Variants in RAD21L1 observed in about 807,000 individuals in gnomAD.
RAD21L1 encodes the protein RAD21 cohesin complex component like 1.
In RAD21L1, 47 loss-of-function variants were observed where a neutral mutation model predicts 69.0. The ratio of observed to expected loss-of-function variants is 0.68; its 90% CI spans 0.54 to 0.87. The LOEUF is 0.87. Ranked by LOEUF, RAD21L1 falls within the 40% of genes least tolerant of loss-of-function variation. The pLI, the probability that RAD21L1 is intolerant of heterozygous loss-of-function variation, is 0.00. For missense variants in RAD21L1, 583 were observed against 647.6 expected (o/e 0.90, Z 1.08); for synonymous variants, 177 against 205.8 (o/e 0.86, Z 1.20).
intron 3 of RAD21L1, 98 bp from the exon 4 acceptor site, chr20:1,231,428 A>G (rs2087388715): frequency 1.5e-6 from 1 of 683,742 alleles, no homozygotes; most frequent in African/African-American, 1.8e-5. Context: ...ACTAGTTAGA[A>G]TAAGCAGTAG....
intron 8 of RAD21L1, among the ~76,000 whole-genome samples, chr20:1,241,223 A>G (rs1377967485): frequency 6.6e-6 from 1 of 152,232 alleles, no homozygotes; most frequent in African/African-American, 2.4e-5. Flanking sequence ...TTTTACTTTT[A>G]AGAAGCTTAG....
intron 2 of RAD21L1, 89 bp from the exon 3 acceptor site, chr20:1,229,791 A>G (rs570284468): frequency 3.0e-6 from 3 of 1,006,324 alleles, no homozygotes; most frequent in Non-Finnish European, 4.2e-6. Flanking sequence ...TTTTTAAGAG[A>G]ACCAATTCTT....
chr20:1,226,670 C>T (rs2087269026), intron 1 of RAD21L1, among the ~76,000 whole-genome samples: 1 of 152,166 alleles, frequency 6.6e-6, no homozygotes, highest in African/African-American at 2.4e-5. Flanking sequence ...CCGGTTTCCA[C>T]GGAGTGGCCC....
chr20:1,244,563 G>T (rs2087682949), intron 11 of RAD21L1, among the ~76,000 whole-genome samples: 1 of 151,970 alleles, frequency 6.6e-6, no homozygotes. Flanking sequence ...GTATCTCTAA[G>T]AATAATATAT....
At chr20:1,239,948 T>G (rs1488537495) in intron 7 of RAD21L1, among the ~76,000 whole-genome samples, 1 of 152,238 alleles carries the variant, frequency 6.6e-6, no homozygotes, top group Non-Finnish European at 1.5e-5. Flanking sequence ...TTATGGTTTT[T>G]TATGGATCAA....
In RAD21L1 at chr20:1,238,159, A is replaced by G. The variant is rs2087537955; in HGVS notation, c.591A>G (p.Leu197=). 1 of 1,540,290 alleles carries G rather than the reference A, an allele frequency of 6.5e-7. No individual in the cohort carries two copies. Among genetic ancestry groups the G allele is most frequent in the Admixed American group, 2.0e-5 (1 of 50,928 alleles). The change falls in exon 6 of 14, where the codon CTA becomes CTG. Residue 197 remains leucine (L), a synonymous_variant. Transcript: ENST00000683101. The part of the protein sequence containing the change: ...SSGSLTGERS[L]FYDSGDGFGD... The stretch of plus-strand genomic sequence containing the variant: ...GAAGCCTCACTGGAGAACGATCTCT[A>G]TTCTATGACAGTGGAGATGGGTTTG...
rs745481975 is a variant in RAD21L1 at position 1,238,171 on chromosome 20, T to C, written c.603T>C (p.Ser201=). ...GAGAACGATCTCTATTCTATGACAG[T>C]GGAGATGGGTTTGGAGATGAAGGAG... The part of the protein sequence containing the change: ...LTGERSLFYD[S]GDGFGDEGAA... The change falls in exon 6 of 14, where the codon AGT becomes AGC. Residue 201 remains serine (S), a synonymous_variant. Coordinates refer to ENST00000683101, the MANE Select transcript of RAD21L1 (RefSeq NM_001384355.1). 5.5e-5 allele frequency: 85 copies of C among 1,533,436 alleles called. No individual in the cohort carries two copies. The Middle Eastern group carries it at 1.5e-3, about 27-fold the overall frequency. 95.0% of individuals were successfully genotyped at this position (1,533,436 alleles called of 1,614,324 possible). A position where few individuals can be genotyped will look rare whatever the true frequency, so the allele number is the denominator to read the frequency against.
At chr20:1,252,223 G>A (rs891015016) in intron 13 of RAD21L1, among the ~76,000 whole-genome samples, 5 of 152,156 alleles carry the variant, frequency 3.3e-5, no homozygotes, top group African/African-American at 1.2e-4. Flanking sequence ...TTACTCAAAT[G>A]TCTTGTAGAT....
At chr20:1,243,465 T>C (rs1184871153) in intron 10 of RAD21L1, among the ~76,000 whole-genome samples, 1 of 152,160 alleles carries the variant, frequency 6.6e-6, no homozygotes, top group Non-Finnish European at 1.5e-5. Context: ...TCTACCTCCT[T>C]CACTCCCAAA....
intron 8 of RAD21L1, among the ~76,000 whole-genome samples, chr20:1,240,877 CT>C (rs1336129602): frequency 6.6e-6 from 1 of 152,228 alleles, no homozygotes; most frequent in Non-Finnish European, 1.5e-5. Context: ...AGCTGCTAGT[CT>C]GGGCCTGCTG....
At chr20:1,235,717 A>G (rs1328588690) in intron 5 of RAD21L1, among the ~76,000 whole-genome samples, 1 of 152,018 alleles carries the variant, frequency 6.6e-6, no homozygotes, top group East Asian at 1.9e-4. Context: ...TACTCCCAAG[A>G]CACTCTTTAC....
chr20:1,249,006 G>A (rs1423353529), intron 13 of RAD21L1, among the ~76,000 whole-genome samples: 1 of 152,102 alleles, frequency 6.6e-6, no homozygotes, highest in Non-Finnish European at 1.5e-5. Flanking sequence ...GTTTATAGCA[G>A]TTCAAGAGTG....
At chr20:1,226,278 G>A (rs1029380265) in intron 1 of RAD21L1, 138 bp downstream of exon 1, 10 of 152,110 alleles carry the variant, frequency 6.6e-5, no homozygotes, top group African/African-American at 2.4e-4. Flanking sequence ...GCCAAGCCCG[G>A]AGGGTCCCGC....
At chr20:1,230,042 G>A in intron 3 of RAD21L1, 33 bp downstream of exon 3, 1 of 1,500,658 alleles carries the variant, frequency 6.7e-7, no homozygotes. Context: ...TCTCCTTCTT[G>A]GTTCCCTTTT....
At chr20:1,244,302 T>G (rs2087677409) in intron 11 of RAD21L1, 132 bp downstream of exon 11, 1 of 658,090 alleles carries the variant, frequency 1.5e-6, no homozygotes, top group African/African-American at 1.9e-5. Flanking sequence ...GCAATTTGTT[T>G]AGTAAGTAGC....
At position 1,254,523 on chromosome 20, in the gene RAD21L1, C is replaced by T; in HGVS notation, c.*66C>T. 1.7e-6 allele frequency: 2 copies of T among 1,145,858 alleles called. No homozygotes were observed. Among genetic ancestry groups the T allele is most frequent in the Non-Finnish European group, 2.4e-6 (2 of 847,908 alleles). 71.0% of individuals were successfully genotyped at this position (1,145,858 alleles called of 1,614,324 possible). On this transcript the variant is annotated 3_prime_UTR_variant, in exon 14 of 14. Transcript: ENST00000683101. ...TCTGTGTAGATTGTTCAATTTAATG[C>T]AGAAGCCATCTGGAAGCAGCTGAAG...
intron 3 of RAD21L1, chr20:1,230,435 A>T: frequency 8.3e-6 from 4 of 480,362 alleles, no homozygotes; most frequent in Non-Finnish European, 1.1e-5. Flanking sequence ...GACATATCAA[A>T]AATTCCTAAG....
rs534286282 is a variant in RAD21L1 at position 1,236,407 on chromosome 20, T to G, written c.476-1637T>G. Among the ~76,000 whole-genome samples, 4 of 152,324 alleles carry G rather than the reference T, an allele frequency of 2.6e-5. No homozygotes were observed. In the South Asian group the frequency reaches 8.3e-4, roughly 32 times the overall value. On this transcript the variant is annotated intron_variant, in intron 5 of 13. Transcript: ENST00000683101. ...AAGGCCCTCTGCCAATTTATCACCTTCTTTATTTTATCAGCTTTGTTTTAC... is the reference window on the plus strand; with the variant it reads ...AAGGCCCTCTGCCAATTTATCACCTGCTTTATTTTATCAGCTTTGTTTTAC...
At position 1,231,581 on chromosome 20, in the gene RAD21L1, G is replaced by A; in HGVS notation, c.330G>A (p.Leu110=). 1 of 1,537,208 alleles carries A rather than the reference G, an allele frequency of 6.5e-7. No homozygotes were observed. The highest frequency in any genetic ancestry group is 1.7e-4 in the Middle Eastern group (1 of 5,936). The change falls in exon 4 of 14, where the codon TTG becomes TTA. Residue 110 remains leucine, a synonymous_variant. Coordinates refer to ENST00000683101, the MANE Select transcript of RAD21L1 (RefSeq NM_001384355.1). Reference sequence around the variant, plus strand: ...AAGCATCTTACAATGCTATCACATTGCCAGAAGAATTTCATGATTTTGACA... The same window carrying A: ...AAGCATCTTACAATGCTATCACATTACCAGAAGAATTTCATGATTTTGACA... ...NFEASYNAIT[L]PEEFHDFDTQ... is the part of the protein sequence containing the mutation.
Sources: gnomAD v4.1 joint callset for allele counts (sites outside exome capture counted in the v4.1 genomes callset) on GRCh38, gnomAD v4.1.1 for gene constraint, MANE v1.5 for transcripts, NCBI Gene and HGNC (gene_info 2026-07-23, HGNC 2026-07-21) for gene names.